Variants in RIMS1 observed in about 807,000 individuals in gnomAD.
RIMS1 encodes the protein regulating synaptic membrane exocytosis protein 1.
A neutral mutation model predicts 214.1 loss-of-function variants in RIMS1; 83 were observed. That is an observed-to-expected ratio of 0.39 (90% CI 0.32 to 0.47). The LOEUF is 0.47. Among genes scored for constraint, RIMS1 ranks in the 20% least tolerant of loss-of-function variants. RIMS1 has a pLI of 0.99. For missense variants in RIMS1, 2,050 were observed against 2,161.8 expected (o/e 0.95, Z 1.03); for synonymous variants, 793 against 786.8 (o/e 1.01, Z -0.13).
intron 2 of RIMS1, among the ~76,000 whole-genome samples, chr6:72,060,484 A>G (rs1443603411): frequency 2.0e-5 from 3 of 152,000 alleles, no homozygotes; most frequent in Non-Finnish European, 4.4e-5. Context: ...TCTGGCCTCT[A>G]CCTGTTTTGT....
At chr6:72,232,590 A>C (rs2062418377) in intron 6 of RIMS1, among the ~76,000 whole-genome samples, 1 of 151,644 alleles carries the variant, frequency 6.6e-6, no homozygotes, top group Non-Finnish European at 1.5e-5. Flanking sequence ...AGTTTTTTCT[A>C]ATGAAATTTC....
At chr6:72,022,181 G>A (rs1181397277) in intron 2 of RIMS1, among the ~76,000 whole-genome samples, 2 of 152,066 alleles carry the variant, frequency 1.3e-5, no homozygotes, top group Admixed American at 6.6e-5. Flanking sequence ...AAGCTATATT[G>A]TTTTCCAAAA....
intron 2 of RIMS1, among the ~76,000 whole-genome samples, chr6:72,091,569 T>C (rs1396871783): frequency 6.6e-6 from 1 of 152,236 alleles, no homozygotes; most frequent in African/African-American, 2.4e-5. Flanking sequence ...TTTTAGGCAT[T>C]CATCTTTGTT....
chr6:72,268,598 A>G (rs144055147), intron 22 of RIMS1, among the ~76,000 whole-genome samples: 2 of 152,346 alleles, frequency 1.3e-5, no homozygotes, highest in African/African-American at 4.8e-5. Flanking sequence ...GATTCAGAAG[A>G]TAAAAGAGCA....
intron 6 of RIMS1, among the ~76,000 whole-genome samples, chr6:72,218,760 A>G (rs905972374): frequency 6.6e-6 from 1 of 152,208 alleles, no homozygotes; most frequent in South Asian, 2.1e-4. Context: ...ATGAGAGACG[A>G]AAGAAAAAGA....
intron 16 of RIMS1, among the ~76,000 whole-genome samples, chr6:72,257,717 G>A (rs1397009569): frequency 4.6e-5 from 7 of 152,018 alleles, no homozygotes; most frequent in Admixed American, 3.9e-4. Flanking sequence ...TCGAAATGAA[G>A]AATTTATTTA....
chr6:72,245,150 T>C (rs1230245931), intron 10 of RIMS1, among the ~76,000 whole-genome samples: 2 of 151,890 alleles, frequency 1.3e-5, no homozygotes, highest in Non-Finnish European at 2.9e-5. Flanking sequence ...GTGGCAGGAA[T>C]GGGTGGTCTC....
intron 4 of RIMS1, among the ~76,000 whole-genome samples, chr6:72,123,819 T>G (rs950854292): frequency 2.0e-5 from 3 of 151,902 alleles, no homozygotes; most frequent in Non-Finnish European, 2.9e-5. Context: ...GTTTTCCATT[T>G]GCTTGGTAGA....
At chr6:72,367,098 C>T (rs1285537179) in intron 29 of RIMS1, among the ~76,000 whole-genome samples, 2 of 152,124 alleles carry the variant, frequency 1.3e-5, no homozygotes, top group East Asian at 1.9e-4. Context: ...GATGTTGCAA[C>T]AGTAGATTTA....
At chr6:72,086,967 A>G (rs931065837) in intron 2 of RIMS1, among the ~76,000 whole-genome samples, 2 of 152,208 alleles carry the variant, frequency 1.3e-5, no homozygotes, top group African/African-American at 4.8e-5. Context: ...CTTCATTCAC[A>G]GGTGATAGAT....
intron 9 of RIMS1, among the ~76,000 whole-genome samples, chr6:72,239,575 G>C (rs1163800305): frequency 6.6e-6 from 1 of 151,968 alleles, no homozygotes; most frequent in African/African-American, 2.4e-5. Context: ...ATAAAACTAC[G>C]GTGCAATCAA....
intron 2 of RIMS1, among the ~76,000 whole-genome samples, chr6:71,996,268 A>G (rs1043500537): frequency 1.1e-4 from 17 of 152,322 alleles, no homozygotes; most frequent in African/African-American, 3.1e-4. Context: ...TTTGTATTCA[A>G]CATATAACAT....
intron 17 of RIMS1, among the ~76,000 whole-genome samples, chr6:72,258,559 G>GA (rs923210253): frequency 1.9e-4 from 29 of 151,920 alleles, no homozygotes; most frequent in Non-Finnish European, 3.8e-4. Flanking sequence ...TTTCTTGTTA[G>GA]AAAAAAATGG....
At chr6:72,309,512 A>G (rs960600325) in intron 27 of RIMS1, among the ~76,000 whole-genome samples, 1 of 152,150 alleles carries the variant, frequency 6.6e-6, no homozygotes, top group African/African-American at 2.4e-5. Context: ...TGAAATGAAC[A>G]CATTACTCTA....
intron 29 of RIMS1, among the ~76,000 whole-genome samples, chr6:72,339,665 T>G (rs2096977290): frequency 6.6e-6 from 1 of 152,120 alleles, no homozygotes; most frequent in South Asian, 2.1e-4. Flanking sequence ...GTGCCACATT[T>G]TCTTCATCCA....
chr6:71,892,468 G>A (rs1770211590), intron 1 of RIMS1, among the ~76,000 whole-genome samples: 1 of 152,118 alleles, frequency 6.6e-6, no homozygotes, highest in South Asian at 2.1e-4. Flanking sequence ...CATGTGGCTA[G>A]TAACATGTTC....
At position 71,992,444 on chromosome 6, in the gene RIMS1, TTCTTTC is replaced by T. The variant is rs1258852735; in HGVS notation, c.245+23395_245+23400del. 2.7e-5 allele frequency among the ~76,000 whole-genome samples: 4 copies of T among 146,554 alleles called. No homozygotes were observed. The East Asian group carries it at 8.0e-4, about 29-fold the overall frequency. Reference sequence around the variant, plus strand: ...TTTCTTTCTTTCTTTCTTTCTTTCTTTCTTTCTCTTTCTCTTTCTTTCTCCTTTCTT... The same window carrying T: ...TTTCTTTCTTTCTTTCTTTCTTTCTTTCTTTCTCTTTCTTTCTCCTTTCTT... On this transcript the variant is annotated intron_variant, in intron 2 of 33. Transcript: ENST00000521978.
At chr6:72,173,144 A>C (rs182755893) in intron 4 of RIMS1, among the ~76,000 whole-genome samples, 1 of 152,312 alleles carries the variant, frequency 6.6e-6, no homozygotes, top group African/African-American at 2.4e-5. Context: ...CCTGAAGACT[A>C]TTGATAGTAT....
intron 4 of RIMS1, among the ~76,000 whole-genome samples, chr6:72,114,538 A>G (rs2036702228): frequency 6.6e-6 from 1 of 151,948 alleles, no homozygotes; most frequent in South Asian, 2.1e-4. Context: ...AGGAAATATC[A>G]AATTTTTTTT....
Sources: gnomAD v4.1 joint callset for allele counts (sites outside exome capture counted in the v4.1 genomes callset) on GRCh38, gnomAD v4.1.1 for gene constraint, MANE v1.5 for transcripts, NCBI Gene and HGNC (gene_info 2026-07-23, HGNC 2026-07-21) for gene names.